The following ASTN2 variants were observed in gnomAD, a reference collection of about 807,000 sequenced individuals.
The protein encoded by ASTN2 is astrotactin-2.
A neutral mutation model predicts 139.8 loss-of-function variants in ASTN2; 54 were observed. The observed-to-expected ratio is 0.39, with a 90% confidence interval of 0.31 to 0.48. The LOEUF is 0.48. Ranked by LOEUF, ASTN2 falls within the 20% of genes least tolerant of loss-of-function variation. The pLI is 0.95. For missense variants in ASTN2, 1,565 were observed against 1,725.1 expected (o/e 0.91, Z 1.64); for synonymous variants, 756 against 719.5 (o/e 1.05, Z -0.81).
At chr9:117,047,666 C>T (rs1373454682) in intron 5 of ASTN2, among the ~76,000 whole-genome samples, 1 of 152,100 alleles carries the variant, frequency 6.6e-6, no homozygotes, top group Non-Finnish European at 1.5e-5. Context: ...ATCTCCTTCC[C>T]AGGGCAGCTA....
intron 3 of ASTN2, among the ~76,000 whole-genome samples, chr9:117,200,849 T>G (rs898171198): frequency 6.6e-6 from 1 of 152,152 alleles, no homozygotes; most frequent in African/African-American, 2.4e-5. Context: ...TCTTCCCAGT[T>G]TTGGTATCAG....
chr9:116,930,913 T>C (rs1464964525), intron 10 of ASTN2, among the ~76,000 whole-genome samples: 1 of 151,900 alleles, frequency 6.6e-6, no homozygotes, highest in Non-Finnish European at 1.5e-5. Context: ...AAACTCATTA[T>C]CTTCTCCCTC....
chr9:116,816,646 A>C (rs1831336849), intron 12 of ASTN2, among the ~76,000 whole-genome samples: 1 of 152,148 alleles, frequency 6.6e-6, no homozygotes, highest in African/African-American at 2.4e-5. Flanking sequence ...CCTGCTCATG[A>C]GGAGTTCACA....
At chr9:116,835,494 A>C (rs1346468856) in intron 11 of ASTN2, among the ~76,000 whole-genome samples, 1 of 152,176 alleles carries the variant, frequency 6.6e-6, no homozygotes, top group Admixed American at 6.5e-5. Flanking sequence ...TCTGAATAGG[A>C]AACATTTGTT....
intron 13 of ASTN2, among the ~76,000 whole-genome samples, chr9:116,760,185 A>C (rs1829640162): frequency 6.6e-6 from 1 of 152,202 alleles, no homozygotes; most frequent in Admixed American, 6.5e-5. Flanking sequence ...TGACTGCCAA[A>C]ACTTCCCTGG....
At chr9:116,896,383 C>T (rs1365892922) in intron 10 of ASTN2, among the ~76,000 whole-genome samples, 1 of 152,116 alleles carries the variant, frequency 6.6e-6, no homozygotes, top group Non-Finnish European at 1.5e-5. Flanking sequence ...GTTGCCCAGG[C>T]TGGAGTGCAA....
intron 10 of ASTN2, among the ~76,000 whole-genome samples, chr9:116,877,198 G>T (rs994814884): frequency 6.6e-6 from 1 of 152,186 alleles, no homozygotes; most frequent in African/African-American, 2.4e-5. Context: ...CTGCATTAGG[G>T]TTAAAAACCC....
At chr9:116,448,138 T>A (rs1336312208) in intron 20 of ASTN2, among the ~76,000 whole-genome samples, 1 of 152,168 alleles carries the variant, frequency 6.6e-6, no homozygotes, top group Non-Finnish European at 1.5e-5. Flanking sequence ...ATTTAGGCAT[T>A]CTGGGGAGGC....
chr9:117,086,467 G>T (rs1276649802), intron 5 of ASTN2, among the ~76,000 whole-genome samples: 1 of 152,120 alleles, frequency 6.6e-6, no homozygotes, highest in Non-Finnish European at 1.5e-5. Context: ...CCAGCTACTT[G>T]GGAGGCTGAG....
At chr9:117,025,898 TC>T (rs1838060450) in intron 6 of ASTN2, among the ~76,000 whole-genome samples, 1 of 151,752 alleles carries the variant, frequency 6.6e-6, no homozygotes, top group African/African-American at 2.4e-5. Context: ...TTCAAGTGAT[TC>T]TCCTGCCTCA....
At chr9:116,451,502 G>C (rs1848173742) in intron 20 of ASTN2, among the ~76,000 whole-genome samples, 1 of 151,990 alleles carries the variant, frequency 6.6e-6, no homozygotes, top group South Asian at 2.1e-4. Context: ...CAGAAGAGCA[G>C]AGAGATGGTC....
At chr9:117,327,192 C>T (rs1828544950) in intron 1 of ASTN2, among the ~76,000 whole-genome samples, 2 of 152,132 alleles carry the variant, frequency 1.3e-5, no homozygotes, top group African/African-American at 4.8e-5. Context: ...GGTAATTGCT[C>T]GCTGCCCACT....
intron 13 of ASTN2, among the ~76,000 whole-genome samples, chr9:116,766,420 A>G (rs1367514100): frequency 6.6e-6 from 1 of 152,044 alleles, no homozygotes; most frequent in East Asian, 1.9e-4. Flanking sequence ...ACACAAACAC[A>G]TACATTCACA....
At chr9:116,428,637 G>A (rs891624097) in intron 22 of ASTN2, among the ~76,000 whole-genome samples, 1 of 152,104 alleles carries the variant, frequency 6.6e-6, no homozygotes, top group Non-Finnish European at 1.5e-5. Flanking sequence ...ACTGGAAGGA[G>A]CCATAGCCAG....
chr9:117,233,163 T>C (rs1564494651), intron 2 of ASTN2, among the ~76,000 whole-genome samples: 2 of 152,116 alleles, frequency 1.3e-5, no homozygotes, highest in Non-Finnish European at 2.9e-5. Flanking sequence ...AGGCTGAGAA[T>C]AAAACTCCTG....
At chr9:117,241,257 G>A (rs1833196127) in intron 2 of ASTN2, among the ~76,000 whole-genome samples, 1 of 152,134 alleles carries the variant, frequency 6.6e-6, no homozygotes, top group African/African-American at 2.4e-5. Flanking sequence ...TTCATTTTTA[G>A]CTAGAAGAAA....
chr9:116,919,256 G>A (rs1455122578), intron 10 of ASTN2, among the ~76,000 whole-genome samples: 1 of 152,166 alleles, frequency 6.6e-6, no homozygotes, highest in Non-Finnish European at 1.5e-5. Context: ...TGGAGGTGGA[G>A]GGCAAGGAGT....
chr9:117,399,438 T>G (rs1329091118), intron 1 of ASTN2, among the ~76,000 whole-genome samples: 1 of 152,338 alleles, frequency 6.6e-6, no homozygotes, highest in South Asian at 2.1e-4. Context: ...GAGGACTATC[T>G]TCGTCTCTGT....
intron 6 of ASTN2, among the ~76,000 whole-genome samples, chr9:117,036,781 C>T (rs924790733): frequency 6.6e-6 from 1 of 152,198 alleles, no homozygotes; most frequent in Non-Finnish European, 1.5e-5. Flanking sequence ...CCTCTGCCTG[C>T]TGATAGATAC....
Sources: gnomAD v4.1 joint callset for allele counts (sites outside exome capture counted in the v4.1 genomes callset) on GRCh38, gnomAD v4.1.1 for gene constraint, MANE v1.5 for transcripts, NCBI Gene and HGNC (gene_info 2026-07-23, HGNC 2026-07-21) for gene names.